Variants in SCARB1 observed in about 807,000 individuals in gnomAD.
The protein encoded by SCARB1 is scavenger receptor class B member 1.
A neutral mutation model predicts 57.2 loss-of-function variants in SCARB1; 30 were observed. The observed-to-expected ratio is 0.52, with a 90% CI of 0.39 to 0.71. The LOEUF (loss-of-function observed/expected upper bound fraction) is 0.71, where lower values mean the gene tolerates loss of function less well. Ranked by LOEUF, SCARB1 falls within the 30% of genes least tolerant of loss-of-function variation. The pLI, the probability that SCARB1 is intolerant of heterozygous loss-of-function variation, is 0.00. For synonymous variants in SCARB1, 249 were observed against 268.3 expected, an observed-to-expected ratio of 0.93 and a Z score of 0.70; for missense variants, 543 against 671.2, an observed-to-expected ratio of 0.81 and a Z score of 2.11.
At position 124,786,346 on chromosome 12, in the gene SCARB1, C is replaced by T; in HGVS notation, c.1401+11G>A. 6.2e-7 allele frequency: 1 copy of T among 1,613,454 alleles called. No individual in the cohort carries two copies. The highest frequency in any genetic ancestry group is 8.5e-7 in the Non-Finnish European group (1 of 1,180,028). ...GCTGTCAGCCCGGGCTGCCCTCTGG[C>T]CAGCACCTACTTGGCTCCGGATTTG... On this transcript the variant is annotated intron_variant, in intron 11 of 12. Transcript: ENST00000261693.
chr12:124,819,301 G>A (rs1041555350), intron 1 of SCARB1, among the ~76,000 whole-genome samples: 14 of 152,206 alleles, frequency 9.2e-5, no homozygotes, highest in African/African-American at 2.4e-4. Flanking sequence ...GTAGGGAGAC[G>A]CTGGGAGAGA....
At chr12:124,804,720 G>A (rs1213911843) in intron 7 of SCARB1, among the ~76,000 whole-genome samples, 1 of 152,226 alleles carries the variant, frequency 6.6e-6, no homozygotes, top group South Asian at 2.1e-4. Flanking sequence ...TGAAATAGGG[G>A]AAAGCATCCA....
intron 9 of SCARB1, among the ~76,000 whole-genome samples, chr12:124,794,931 AAAAAC>A (rs775699318): frequency 1.2e-4 from 18 of 152,072 alleles, no homozygotes; most frequent in African/African-American, 3.6e-4. Context: ...ACTCCATCTC[AAAAAC>A]AAAACAAAAC....
intron 1 of SCARB1, among the ~76,000 whole-genome samples, chr12:124,825,662 C>A (rs1032498857): frequency 2.6e-4 from 39 of 152,222 alleles, no homozygotes; most frequent in African/African-American, 9.4e-4. Context: ...CAGAGCGAGA[C>A]CCTGCCTTGA....
In SCARB1 at chr12:124,818,666, G is replaced by T. The variant is rs1461855420; in HGVS notation, c.127-959C>A. ...TTTTTATTTTATTTTATTTTTTTGA[G>T]AGGGAGTCTTGCTCTGTGGCCCAGG... On this transcript the variant is annotated intron_variant, in intron 1 of 12. Transcript: ENST00000261693. 5.3e-5 allele frequency among the ~76,000 whole-genome samples: 8 copies of T among 151,446 alleles called. No individual in the cohort carries two copies. In the South Asian group the frequency reaches 1.5e-3, roughly 28 times the overall value.
intron 1 of SCARB1, among the ~76,000 whole-genome samples, chr12:124,840,174 T>C (rs1951854152): frequency 6.6e-6 from 1 of 151,644 alleles, no homozygotes; most frequent in Non-Finnish European, 1.5e-5. Context: ...ATGTCCCCGT[T>C]GGCTATCTGC....
At position 124,848,706 on chromosome 12, in the gene SCARB1, G is replaced by A. The variant is rs942863634; in HGVS notation, c.126+14889C>T. Among the ~76,000 whole-genome samples the A allele has an allele frequency of 6.9e-4, 105 of 152,230 alleles. 1 individual carries two copies. The highest frequency in any genetic ancestry group is 4.1e-4 in the South Asian group (2 of 4,834). ...ATTTTACAAGCTGGATGCCTCCCTCGTGAGAACGGCAGAACGAGCCGTGGT... is the reference window on the plus strand; with the variant it reads ...ATTTTACAAGCTGGATGCCTCCCTCATGAGAACGGCAGAACGAGCCGTGGT... On this transcript the variant is annotated intron_variant, in intron 1 of 12. Transcript: ENST00000261693.
intron 8 of SCARB1, among the ~76,000 whole-genome samples, chr12:124,799,105 C>T (rs1248536293): frequency 6.6e-6 from 1 of 152,182 alleles, no homozygotes; most frequent in African/African-American, 2.4e-5. Context: ...AGCACCAATA[C>T]ATCATCAGTA....
At chr12:124,829,672 C>T (rs558417477) in intron 1 of SCARB1, among the ~76,000 whole-genome samples, 3 of 152,318 alleles carry the variant, frequency 2.0e-5, no homozygotes, top group Admixed American at 6.5e-5. Flanking sequence ...CTGATGCCCA[C>T]AAAAGTGAGC....
chr12:124,846,045 C>T (rs1168063563), intron 1 of SCARB1, among the ~76,000 whole-genome samples: 3 of 151,896 alleles, frequency 2.0e-5, no homozygotes, highest in Non-Finnish European at 2.9e-5. Flanking sequence ...AAGAAATGTC[C>T]GTAACAGGTG....
Position 124,812,168 on chromosome 12 carries a change from G to A in SCARB1, c.631-203C>T, listed in dbSNP as rs75551670. On this transcript the variant is annotated intron_variant, in intron 4 of 12. Coordinates refer to ENST00000261693, the MANE Select transcript of SCARB1 (RefSeq NM_005505.5). This position sits in a 1 kb window ranked among gnomAD's most constrained non-coding sequence, Gnocchi z 4.3. ...AGGAGGAATGGTCCCGGGTTCTGTG[G>A]CTGCAGTGTTCCACCCTCCCTTCCT... is the stretch of plus-strand genomic sequence containing the variant. Among the ~76,000 whole-genome samples, 4,652 of 152,224 alleles carry A rather than the reference G, an allele frequency of 0.031. 263 individuals are homozygous for A. Among genetic ancestry groups the A allele is most frequent in the African/African-American group, 0.1 (4,343 of 41,498 alleles).
intron 1 of SCARB1, among the ~76,000 whole-genome samples, chr12:124,844,467 C>T (rs1952054545): frequency 6.6e-6 from 1 of 152,160 alleles, no homozygotes; most frequent in African/African-American, 2.4e-5. Flanking sequence ...AACAGTGTCC[C>T]CCCAAAATTC....
In SCARB1 at chr12:124,787,272, T is replaced by C; in HGVS notation, c.1254+134A>G. On this transcript the variant is annotated intron_variant, in intron 10 of 12. Transcript: ENST00000261693. ...GGACAGGGTGAAGTTTCTGATACGC[T>C]GGTCCATGTCACAGTCCGGTTACCC... 9 of 754,918 alleles carry C rather than the reference T, an allele frequency of 1.2e-5. No individual in the cohort carries two copies. In the East Asian group the frequency reaches 2.5e-4, roughly 21 times the overall value. The allele number at this position is 754,918 out of a possible 1,614,324, so 46.8% of individuals were successfully genotyped here.
chr12:124,826,410 A>T (rs568743137), intron 1 of SCARB1, among the ~76,000 whole-genome samples: 1 of 151,636 alleles, frequency 6.6e-6, no homozygotes, highest in Non-Finnish European at 1.5e-5. Flanking sequence ...TCATTTCACT[A>T]TGTGTGTGTA....
intron 1 of SCARB1, among the ~76,000 whole-genome samples, chr12:124,855,699 G>T (rs1387568638): frequency 6.6e-6 from 1 of 152,160 alleles, no homozygotes; most frequent in Non-Finnish European, 1.5e-5. Context: ...GGCCTGGACC[G>T]AACTCTCCTC....
intron 1 of SCARB1, among the ~76,000 whole-genome samples, chr12:124,856,413 AACAC>A (rs777028851): frequency 1.3e-5 from 2 of 152,180 alleles, no homozygotes; most frequent in African/African-American, 2.4e-5. Context: ...CGTGTGTGCA[AACAC>A]ACACACACTC....
At chr12:124,818,010 C>T (rs114061302) in intron 1 of SCARB1, among the ~76,000 whole-genome samples, 1,969 of 152,284 alleles carry the variant, frequency 0.013, 44 homozygotes, top group African/African-American at 0.045. Context: ...AAGGGAGCGC[C>T]GGAGCTCAGG....
intron 1 of SCARB1, among the ~76,000 whole-genome samples, chr12:124,819,717 A>G (rs928849579): frequency 2.0e-5 from 3 of 152,256 alleles, no homozygotes; most frequent in Non-Finnish European, 4.4e-5. Context: ...CTTCTAAGAC[A>G]AGGACAGCCA....
rs752158656 is a variant in SCARB1 at position 124,786,536 on chromosome 12, G to C, written c.1255-33C>G. 24 of 1,612,934 alleles carry C rather than the reference G, an allele frequency of 1.5e-5. No homozygotes were observed. In the Admixed American group the frequency reaches 4.0e-4, roughly 27 times the overall value. On this transcript the variant is annotated intron_variant, in intron 10 of 12. Transcript: ENST00000261693. Reference sequence around the variant, plus strand: ...GACAGAATGACAAACACATGAGCTGGGGCCGCAGGCTGCGGGCTACAGCGC... The same window carrying C: ...GACAGAATGACAAACACATGAGCTGCGGCCGCAGGCTGCGGGCTACAGCGC...
Sources: allele counts gnomAD v4.1 joint callset (sites outside exome capture counted in the v4.1 genomes callset), GRCh38; gene constraint gnomAD v4.1.1; non-coding constraint Gnocchi (gnomAD v3.1); transcripts MANE v1.5; gene names NCBI Gene and HGNC (gene_info 2026-07-23, HGNC 2026-07-21).